DOT1L: variants seen among roughly 807,000 people sequenced by gnomAD.
The protein encoded by DOT1L is DOT1 like histone lysine methyltransferase.
DOT1L carries 33 observed loss-of-function variants against 153.3 expected under a neutral mutation model. The observed-to-expected ratio is 0.22, with a 90% CI of 0.16 to 0.29. DOT1L has a LOEUF of 0.29. Ranked by LOEUF, DOT1L falls within the 10% of genes least tolerant of loss-of-function variation. The pLI is 1.00. For synonymous variants in DOT1L, 1,135 were observed against 965.1 expected (o/e 1.18, Z -3.26); for missense variants, 1,847 against 2,119.9 (o/e 0.87, Z 2.53).
At position 2,230,675 on chromosome 19, in the gene DOT1L, T is replaced by G. The variant is rs1488887398; in HGVS notation, c.*883T>G. On this transcript the variant is annotated 3_prime_UTR_variant, in exon 28 of 28. Transcript: ENST00000398665. Reference sequence around the variant, plus strand: ...TTTATAGAGATGTGATGAGAATTTATAAATTTCATAGATTTGACAGCTTTT... The same window carrying G: ...TTTATAGAGATGTGATGAGAATTTAGAAATTTCATAGATTTGACAGCTTTT... 1 of 398,136 alleles carries G rather than the reference T, an allele frequency of 2.5e-6. No homozygotes were observed. The highest frequency in any genetic ancestry group is 2.1e-5 in the African/African-American group (1 of 48,640). 24.7% of individuals were successfully genotyped at this position (398,136 alleles called of 1,614,324 possible). A position where few individuals can be genotyped will look rare whatever the true frequency, so the allele number is the denominator to read the frequency against.
chr19:2,227,198 C>A, intron 27 of DOT1L, 71 bp downstream of exon 27: 1 of 1,554,858 alleles, frequency 6.4e-7, no homozygotes, highest in African/African-American at 1.4e-5. Flanking sequence ...TGCAGGTTCC[C>A]TTCCGCACTC....
intron 3 of DOT1L, among the ~76,000 whole-genome samples, chr19:2,187,879 G>A (rs371534234): frequency 5.9e-4 from 87 of 147,520 alleles, no homozygotes; most frequent in South Asian, 1.5e-3. Flanking sequence ...CTGAGATCGC[G>A]CCACCGCACT....
Position 2,225,421 on chromosome 19 carries a change from A to G in DOT1L, c.3630A>G (p.Glu1210=). 1.2e-6 allele frequency: 2 copies of G among 1,614,156 alleles called. No homozygotes were observed. The highest frequency in any genetic ancestry group is 1.7e-5 in the Admixed American group (1 of 60,020). ...IERKIATISL[E]SKSPPKTLEN... is the part of the protein sequence containing the mutation. ...GAAAAATTGCAACAATCTCCTTAGA[A>G]AGCAAATCTCCCCCGAAAACCTTGG... The change falls in exon 26 of 28, where the codon GAA becomes GAG. Residue 1210 remains glutamate, a synonymous_variant. Transcript: ENST00000398665.
chr19:2,228,661 C>T (rs1232268148), intron 27 of DOT1L: 7 of 985,394 alleles, frequency 7.1e-6, no homozygotes, highest in Non-Finnish European at 8.4e-6. Flanking sequence ...CTGTGCCAGC[C>T]CCTGTGGGCG....
At chr19:2,173,845 C>T (rs1395039119) in intron 1 of DOT1L, among the ~76,000 whole-genome samples, 4 of 152,226 alleles carry the variant, frequency 2.6e-5, no homozygotes, top group South Asian at 4.1e-4. Context: ...GCTGAGCTTC[C>T]TCTCACAGCT....
intron 6 of DOT1L, among the ~76,000 whole-genome samples, chr19:2,194,288 A>G (rs2022923140): frequency 6.6e-6 from 1 of 152,172 alleles, no homozygotes; most frequent in Non-Finnish European, 1.5e-5. Context: ...CTCCTGCCTC[A>G]GCCTCCCGAG....
In DOT1L at chr19:2,210,504, C is replaced by T; in HGVS notation, c.1110C>T (p.Ala370=). The part of the protein sequence containing the change: ...PEGKVAGPAD[A]PMDSGAEEEK... ...GCAAGGTGGCCGGCCCCGCCGACGC[C>T]CCCATGGTAAGGCCCCAGCCTGGCT... Residue 370 remains alanine (A), a synonymous_variant, in exon 13 of 28, where the codon GCC becomes GCT. Coordinates refer to ENST00000398665, the MANE Select transcript of DOT1L (RefSeq NM_032482.3). 1 of 1,595,764 alleles carries T rather than the reference C, an allele frequency of 6.3e-7. No individual in the cohort carries two copies. The highest frequency in any genetic ancestry group is 8.5e-7 in the Non-Finnish European group (1 of 1,171,608).
chr19:2,225,538 C>T (rs534907557), intron 26 of DOT1L, 86 bp downstream of exon 26: 196 of 1,383,650 alleles, frequency 1.4e-4, no homozygotes, highest in Non-Finnish European at 1.9e-4. Context: ...CCTGCTGGCC[C>T]GCTGCATCGT....
At chr19:2,203,840 T>C (rs1257067621) in intron 9 of DOT1L, among the ~76,000 whole-genome samples, 2 of 152,310 alleles carry the variant, frequency 1.3e-5, no homozygotes, top group Non-Finnish European at 1.5e-5. Context: ...CACCAAGCCC[T>C]GCAGCAAGCA....
chr19:2,188,985 T>C (rs2022672838), intron 3 of DOT1L, among the ~76,000 whole-genome samples: 1 of 152,164 alleles, frequency 6.6e-6, no homozygotes, highest in Admixed American at 6.5e-5. Context: ...TCTGCCCCGA[T>C]GCTGTTGGGT....
chr19:2,229,443 C>T (rs564099888), intron 27 of DOT1L: 2 of 985,464 alleles, frequency 2.0e-6, no homozygotes, highest in African/African-American at 3.5e-5. Flanking sequence ...GCTGGTCAGC[C>T]TGGCGGGTCA....
At chr19:2,181,500 G>A (rs1312168483) in intron 2 of DOT1L, among the ~76,000 whole-genome samples, 4 of 152,248 alleles carry the variant, frequency 2.6e-5, no homozygotes, top group African/African-American at 7.2e-5. Flanking sequence ...CTGAGGCCCT[G>A]TAGTTCAGTG....
intron 9 of DOT1L, among the ~76,000 whole-genome samples, chr19:2,203,514 G>GCACT (rs1367665612): frequency 6.6e-6 from 1 of 152,228 alleles, no homozygotes; most frequent in Non-Finnish European, 1.5e-5. Flanking sequence ...TCCATACTGA[G>GCACT]CAGGAGTGGG....
chr19:2,187,442 G>T (rs1404432571), intron 3 of DOT1L, among the ~76,000 whole-genome samples: 1 of 152,234 alleles, frequency 6.6e-6, no homozygotes, highest in African/African-American at 2.4e-5. Flanking sequence ...GCTGGGCAGG[G>T]GGTCTTCGTT....
chr19:2,216,446 A>G lies in DOT1L; in HGVS notation c.2089A>G (p.Thr697Ala), dbSNP rs1469864043. Residue 697 changes from threonine to alanine, a missense_variant, in exon 20 of 28, where the codon ACC becomes GCC. Coordinates refer to ENST00000398665, the MANE Select transcript of DOT1L (RefSeq NM_032482.3). ...CCGGCTGCACCTGGAGCTGGACTGC[A>G]CCAAGTTCTCGCTGCCTCACTTGAG... ...ASRLHLELDC[T>A]KFSLPHLSSM... 22 of 1,612,586 alleles carry G rather than the reference A, an allele frequency of 1.4e-5. No individual in the cohort carries two copies. Among genetic ancestry groups the G allele is most frequent in the Non-Finnish European group, 1.8e-5 (21 of 1,179,942 alleles).
At chr19:2,225,267 C>T in intron 25 of DOT1L, 121 bp from the exon 26 acceptor site, 2 of 986,764 alleles carry the variant, frequency 2.0e-6, no homozygotes, top group Non-Finnish European at 3.2e-6. Flanking sequence ...GGTCCCCTGT[C>T]TGGGCCGAGT....
chr19:2,210,452 C>G lies in DOT1L; in HGVS notation c.1058C>G (p.Ala353Gly), dbSNP rs138206172. Residue 353 changes from alanine (A) to glycine (G), a missense_variant, in exon 13 of 28, where the codon GCG becomes GGG. Transcript: ENST00000398665. ...RRQQRESKSNAATPTKGPEGK... is the reference protein window; with the variant it reads ...RRQQRESKSNGATPTKGPEGK... ...CAGCAGCGCGAGAGCAAGAGCAACG[C>G]GGCCACGCCCACTAAGGGCCCAGAG... 2.4e-3 allele frequency: 3,841 copies of G among 1,580,796 alleles called. 4 individuals carry two copies. Among genetic ancestry groups the G allele is most frequent in the Non-Finnish European group, 3.0e-3 (3,511 of 1,166,834 alleles).
At chr19:2,218,772 C>T (rs2024005068) in intron 22 of DOT1L, among the ~76,000 whole-genome samples, 1 of 151,624 alleles carries the variant, frequency 6.6e-6, no homozygotes, top group African/African-American at 2.4e-5. Context: ...TCTCGGCTCA[C>T]TGCAATCTCT....
intron 16 of DOT1L, chr19:2,213,119 C>T: frequency 5.5e-6 from 1 of 180,858 alleles, no homozygotes; most frequent in Admixed American, 5.7e-5. Flanking sequence ...GTGTCAGTGG[C>T]TCCTGGGGTC....
Sources: gnomAD v4.1 joint callset for allele counts (sites outside exome capture counted in the v4.1 genomes callset) on GRCh38, gnomAD v4.1.1 for gene constraint, MANE v1.5 for transcripts, NCBI Gene and HGNC (gene_info 2026-07-23, HGNC 2026-07-21) for gene names.